Variants in LSAMP observed in about 807,000 individuals in gnomAD.
The protein encoded by LSAMP is limbic system associated membrane protein.
In LSAMP, 7 loss-of-function variants were observed where a neutral mutation model predicts 38.6. The observed-to-expected ratio is 0.18, with a 90% CI of 0.10 to 0.34. LSAMP has a LOEUF of 0.34. Among genes scored for constraint, LSAMP ranks in the 10% least tolerant of loss-of-function variants. The pLI is 1.00. For synonymous variants in LSAMP, 154 were observed against 166.8 expected (o/e 0.92, Z 0.59); for missense variants, 313 against 420.0 (o/e 0.75, Z 2.23).
chr3:115,832,731 C>G (rs953028041), intron 6 of LSAMP, among the ~76,000 whole-genome samples: 3 of 152,104 alleles, frequency 2.0e-5, no homozygotes, highest in Admixed American at 2.0e-4. Context: ...AGCCGAAGAC[C>G]AAAGTATTAG....
chr3:116,243,782 T>C (rs1348897420), intron 1 of LSAMP, among the ~76,000 whole-genome samples: 2 of 152,202 alleles, frequency 1.3e-5, no homozygotes, highest in African/African-American at 4.8e-5. Context: ...AGGAAATATA[T>C]GGGATTAAAT....
chr3:116,317,779 A>C (rs529686869), intron 1 of LSAMP, among the ~76,000 whole-genome samples: 4 of 152,268 alleles, frequency 2.6e-5, no homozygotes, highest in African/African-American at 9.6e-5. Context: ...GATTGGATCA[A>C]AAATCCATTT....
intron 1 of LSAMP, among the ~76,000 whole-genome samples, chr3:116,164,761 T>TA (rs754064532): frequency 0.45 from 18,083 of 40,070 alleles, 2,173 homozygotes; most frequent in Admixed American, 0.5. Context: ...TATATATATA[T>TA]TTTTTTTTTT....
intron 3 of LSAMP, among the ~76,000 whole-genome samples, chr3:116,002,971 A>T (rs565608793): frequency 6.6e-6 from 1 of 152,304 alleles, no homozygotes; most frequent in African/African-American, 2.4e-5. Flanking sequence ...GAAAGATGCA[A>T]ACATGTTATT....
At chr3:116,005,449 A>G (rs777803399) in intron 3 of LSAMP, among the ~76,000 whole-genome samples, 9 of 152,124 alleles carry the variant, frequency 5.9e-5, no homozygotes, top group Non-Finnish European at 1.3e-4. Flanking sequence ...GAATAACATT[A>G]TGGGTTACTC....
At chr3:116,144,640 C>T (rs1438255653) in intron 1 of LSAMP, among the ~76,000 whole-genome samples, 1 of 139,968 alleles carries the variant, frequency 7.1e-6, no homozygotes, top group Non-Finnish European at 1.6e-5. Flanking sequence ...TTATATTTGT[C>T]AGTGTTTTTT....
At chr3:115,908,689 T>G (rs1937069434) in intron 3 of LSAMP, among the ~76,000 whole-genome samples, 2 of 152,218 alleles carry the variant, frequency 1.3e-5, no homozygotes, top group Admixed American at 6.5e-5. Context: ...ATTATTACTC[T>G]GATTGTTGTT....
At chr3:116,053,724 G>A (rs1941438288) in intron 2 of LSAMP, among the ~76,000 whole-genome samples, 1 of 152,212 alleles carries the variant, frequency 6.6e-6, no homozygotes, top group Admixed American at 6.5e-5. Flanking sequence ...AAAGATGAAT[G>A]TCAGGCTGAA....
intron 2 of LSAMP, among the ~76,000 whole-genome samples, chr3:116,082,230 A>G (rs1425840551): frequency 6.6e-6 from 1 of 152,184 alleles, no homozygotes; most frequent in Non-Finnish European, 1.5e-5. Context: ...GATATTTTAT[A>G]TGATTTACTA....
At chr3:116,407,224 T>C (rs755558717) in intron 1 of LSAMP, among the ~76,000 whole-genome samples, 2 of 152,070 alleles carry the variant, frequency 1.3e-5, no homozygotes, top group African/African-American at 4.8e-5. Flanking sequence ...CTATAATATA[T>C]ATACAGGTGT....
intron 3 of LSAMP, among the ~76,000 whole-genome samples, chr3:115,953,433 ACACACACAC>A (rs1938356890): frequency 6.6e-6 from 1 of 151,932 alleles, no homozygotes; most frequent in African/African-American, 2.4e-5. Context: ...ACACACACAC[ACACACACAC>A]AATGTCTAAA....
At chr3:116,054,650 G>T (rs1376722334) in intron 2 of LSAMP, among the ~76,000 whole-genome samples, 2 of 152,032 alleles carry the variant, frequency 1.3e-5, no homozygotes, top group Non-Finnish European at 2.9e-5. Context: ...ATAGAATAAA[G>T]ATTTAATAAA....
chr3:116,255,249 AAAG>A (rs2046734390), intron 1 of LSAMP, among the ~76,000 whole-genome samples: 1 of 152,178 alleles, frequency 6.6e-6, no homozygotes, highest in South Asian at 2.1e-4. Flanking sequence ...ACTACTAACT[AAAG>A]AAGAAATTCC....
chr3:115,883,303 G>A (rs1274336655), intron 3 of LSAMP, among the ~76,000 whole-genome samples: 1 of 151,908 alleles, frequency 6.6e-6, no homozygotes, highest in Non-Finnish European at 1.5e-5. Flanking sequence ...AAGGTAAGGA[G>A]GTGAGAAGAT....
intron 3 of LSAMP, among the ~76,000 whole-genome samples, chr3:116,009,201 C>A (rs1576303810): frequency 6.6e-6 from 1 of 152,062 alleles, no homozygotes; most frequent in Admixed American, 6.5e-5. Context: ...GCTTATGTAT[C>A]CCACAATCTT....
Position 115,805,431 on chromosome 3 carries a change from T to A in LSAMP, c.*4886A>T, listed in dbSNP as rs1933608888. 2 of 152,164 alleles carry A rather than the reference T, an allele frequency of 1.3e-5. No homozygotes were observed. The highest frequency in any genetic ancestry group is 2.9e-5 in the Non-Finnish European group (2 of 68,016). The allele number at this position is 152,164 out of a possible 1,614,324, so 9.4% of individuals were successfully genotyped here. On this transcript the variant is annotated 3_prime_UTR_variant, in exon 7 of 7. Transcript: ENST00000490035. ...AATCATAGTAAACCTTAGCAGTAGT[T>A]GGGCACTGCATGAAAAATGAAGTTT...
intron 1 of LSAMP, among the ~76,000 whole-genome samples, chr3:116,279,746 T>C (rs1281881447): frequency 6.6e-6 from 1 of 152,226 alleles, no homozygotes; most frequent in East Asian, 1.9e-4. Flanking sequence ...AAATCTGTTT[T>C]CATATACAAC....
chr3:116,272,149 A>T (rs1023256491), intron 1 of LSAMP, among the ~76,000 whole-genome samples: 1 of 150,536 alleles, frequency 6.6e-6, no homozygotes, highest in South Asian at 2.1e-4. Flanking sequence ...TAAACAAATA[A>T]ATATATATAT....
chr3:116,046,549 A>AT (rs1485662829), intron 2 of LSAMP, among the ~76,000 whole-genome samples: 1 of 152,204 alleles, frequency 6.6e-6, no homozygotes, highest in African/African-American at 2.4e-5. Flanking sequence ...GGAGGCACTG[A>AT]TTAGATGGGG....
Sources: allele counts gnomAD v4.1 joint callset (sites outside exome capture counted in the v4.1 genomes callset), GRCh38; gene constraint gnomAD v4.1.1; transcripts MANE v1.5; gene names NCBI Gene and HGNC (gene_info 2026-07-23, HGNC 2026-07-21).